The following TLR1 variants were observed in gnomAD, a reference collection of about 807,000 sequenced individuals.
The protein encoded by TLR1 is toll like receptor 1.
Under a neutral mutation model 20.2 loss-of-function variants are expected in TLR1, and 19 were observed. The ratio of observed to expected loss-of-function variants is 0.94; its 90% CI spans 0.66 to 1.38. The LOEUF (loss-of-function observed/expected upper bound fraction) is 1.38, where lower values mean the gene tolerates loss of function less well. Among genes scored for constraint, TLR1 ranks in the 40% most tolerant of loss-of-function variants. The probability of loss-of-function intolerance (pLI) is 0.00; values close to 1 mark genes in which losing one functional copy is unlikely to be tolerated. For synonymous variants in TLR1, 320 were observed against 334.5 expected, an observed-to-expected ratio of 0.96 and a Z score of 0.47; for missense variants, 921 against 910.0, an observed-to-expected ratio of 1.01 and a Z score of -0.16.
At chr4:38,794,995 T>G (rs1181996626), downstream of TLR1, among the ~76,000 whole-genome samples, 2 of 152,184 alleles carry the variant, frequency 1.3e-5, no homozygotes, top group Admixed American at 1.3e-4. Context: ...GTGACCCGAA[T>G]GAGAAGAGTG....
chr4:38,789,354 G>T (rs1248226346), downstream of TLR1, among the ~76,000 whole-genome samples: 1 of 152,174 alleles, frequency 6.6e-6, no homozygotes, highest in Non-Finnish European at 1.5e-5. Context: ...ATTTGTCAAA[G>T]CATTTTGTTT....
chr4:38,800,014 G>A (rs2109359824), intron 3 of TLR1, among the ~76,000 whole-genome samples: 1 of 152,172 alleles, frequency 6.6e-6, no homozygotes, highest in Middle Eastern at 3.4e-3. Context: ...AATAAAGCAG[G>A]GTAAATTGTA....
Position 38,798,264 on chromosome 4 carries a change from C to T in TLR1, c.568G>A (p.Glu190Lys). The part of the protein sequence containing the change: ...DPEGLQDFNT[E>K]SLHIVFPTNK... Reference sequence around the variant, plus strand: ...GTGGGGAACACAATGTGCAGACTCTCAGTGTTAAAGTCTTGAAGGCCCTCA... The same window carrying T: ...GTGGGGAACACAATGTGCAGACTCTTAGTGTTAAAGTCTTGAAGGCCCTCA... Residue 190 changes from glutamate to lysine, a missense_variant, in exon 4 of 4, where the codon GAG (glutamate) becomes AAG (lysine). Transcript: ENST00000308979. The T allele has an allele frequency of 6.2e-7, 1 of 1,612,494 alleles. No individual in the cohort carries two copies. The highest frequency in any genetic ancestry group is 8.5e-7 in the Non-Finnish European group (1 of 1,178,894).
chr4:38,797,063 A>G lies in TLR1; in HGVS notation c.1769T>C (p.Met590Thr). The G allele has an allele frequency of 1.2e-5, 19 of 1,614,228 alleles. No individual in the cohort carries two copies. Among genetic ancestry groups the G allele is most frequent in the Non-Finnish European group, 1.5e-5 (18 of 1,180,042 alleles). Residue 590 changes from methionine (M) to threonine (T), a missense_variant, in exon 4 of 4, where the codon ATG becomes ACG. By Grantham distance (81) the Met-to-Thr change is moderately conservative. Transcript: ENST00000308979. Reference sequence around the variant, plus strand: ...GGTCACAGTCACAGCCAACACCAGCATGGTGGCAACGATGGTGACGATCAG... The same window carrying G: ...GGTCACAGTCACAGCCAACACCAGCGTGGTGGCAACGATGGTGACGATCAG... ...TLLIVTIVAT[M>T]LVLAVTVTSL...
downstream of TLR1, among the ~76,000 whole-genome samples, chr4:38,793,495 G>T (rs1419870307): frequency 6.6e-6 from 1 of 151,938 alleles, no homozygotes; most frequent in Non-Finnish European, 1.5e-5. Context: ...TATTTTCATT[G>T]ATATTTATCA....
chr4:38,788,672 A>G (rs1452281841), downstream of TLR1, among the ~76,000 whole-genome samples: 1 of 152,246 alleles, frequency 6.6e-6, no homozygotes, highest in Admixed American at 6.5e-5. Context: ...TGTTAAAAAT[A>G]ATCATTATTA....
downstream of TLR1, among the ~76,000 whole-genome samples, chr4:38,794,977 A>G (rs1725941322): frequency 1.3e-5 from 2 of 152,094 alleles, no homozygotes; most frequent in African/African-American, 4.8e-5. Context: ...CGATCTCAGG[A>G]CTCAAGAGTG....
At chr4:38,794,225 G>A (rs1012213729), downstream of TLR1, among the ~76,000 whole-genome samples, 1 of 152,210 alleles carries the variant, frequency 6.6e-6, no homozygotes, top group African/African-American at 2.4e-5. Context: ...TACAGAAAGT[G>A]CAATCATCCT....
At position 38,796,312 on chromosome 4, in the gene TLR1, C is replaced by T. The variant is rs1726047899; in HGVS notation, c.*159G>A. 3 of 717,380 alleles carry T rather than the reference C, an allele frequency of 4.2e-6. No homozygotes were observed. Among genetic ancestry groups the T allele is most frequent in the Non-Finnish European group, 4.5e-6 (2 of 446,914 alleles). The allele number at this position is 717,380 out of a possible 1,614,324, so 44.4% of individuals were successfully genotyped here. On this transcript the variant is annotated 3_prime_UTR_variant, in exon 4 of 4. Transcript: ENST00000308979. ...ATCATTTCATTAATTTTTAATACCA[C>T]ATATAAATGGTGAACTGCGACCCGA...
At chr4:38,805,226 T>C (rs1186582057), upstream of TLR1, 2 of 152,176 alleles carry the variant, frequency 1.3e-5, no homozygotes, top group South Asian at 2.1e-4. Flanking sequence ...GGGGTCGAGA[T>C]TAAAGTTTTG....
At chr4:38,796,195 C>T (rs3924111), downstream of TLR1, 3,366 of 395,372 alleles carry the variant, frequency 8.5e-3, 95 homozygotes, top group African/African-American at 0.062. Context: ...AAAACAGGTG[C>T]TTCCCTTGAC....
intron 2 of TLR1, among the ~76,000 whole-genome samples, chr4:38,802,800 A>T (rs1726760426): frequency 6.6e-6 from 1 of 152,192 alleles, no homozygotes; most frequent in Non-Finnish European, 1.5e-5. Flanking sequence ...CGTATAACTC[A>T]CTTTTTATCA....
chr4:38,792,061 G>C (rs1725749332), downstream of TLR1, among the ~76,000 whole-genome samples: 1 of 152,164 alleles, frequency 6.6e-6, no homozygotes, highest in Admixed American at 6.5e-5. Flanking sequence ...CCATATGAGA[G>C]AGGTACCAGT....
In TLR1 at chr4:38,797,997, A is replaced by C; in HGVS notation, c.835T>G (p.Ser279Ala). ...WHTTVWYFSI[S>A]NVKLQGQLDF... is the part of the protein sequence containing the mutation. ...AGCTGACCCTGTAGCTTCACGTTTG[A>C]AATTGAGAAATACCATACAGTTGTA... is the stretch of plus-strand genomic sequence containing the variant. Residue 279 changes from serine to alanine, a missense_variant, in exon 4 of 4, where the codon TCA becomes GCA. Physicochemically the swap from Ser to Ala is moderately conservative, Grantham distance 99. Transcript: ENST00000308979. 2.5e-6 allele frequency: 4 copies of C among 1,614,182 alleles called. No individual in the cohort carries two copies. The highest frequency in any genetic ancestry group is 3.4e-6 in the Non-Finnish European group (4 of 1,180,036).
chr4:38,791,962 TC>T (rs1451553399), downstream of TLR1, among the ~76,000 whole-genome samples: 2 of 152,156 alleles, frequency 1.3e-5, no homozygotes, highest in Non-Finnish European at 2.9e-5. Context: ...ATGCTTCTCT[TC>T]CCCACTGTGT....
chr4:38,797,872 A>G lies in TLR1; in HGVS notation c.960T>C (p.Tyr320=), dbSNP rs200631178. 1.7e-4 allele frequency: 274 copies of G among 1,613,966 alleles called. No individual in the cohort carries two copies. The highest frequency in any genetic ancestry group is 2.2e-4 in the Non-Finnish European group (256 of 1,179,904). The change falls in exon 4 of 4, where the codon TAT becomes TAC. Residue 320 remains tyrosine, a synonymous_variant. Transcript: ENST00000308979. The stretch of plus-strand genomic sequence containing the variant: ...TGATGTTCATATTCGAAAAGATTTC[A>G]TAGATATAACTTTGCGGAAAACCGA... The part of the protein sequence containing the change: ...DVFGFPQSYI[Y]EIFSNMNIKN...
At chr4:38,790,338 T>A (rs1452335429), downstream of TLR1, among the ~76,000 whole-genome samples, 2 of 152,256 alleles carry the variant, frequency 1.3e-5, no homozygotes, top group Non-Finnish European at 2.9e-5. Context: ...TTTGATTGAC[T>A]GTTTGGCTGG....
upstream of TLR1, chr4:38,805,499 A>C (rs571154007): frequency 1.3e-5 from 2 of 152,350 alleles, 1 homozygote; most frequent in South Asian, 4.1e-4. Flanking sequence ...CAAGGAAGAC[A>C]TTCTGATAGC....
chr4:38,790,273 G>A (rs1010384638), downstream of TLR1, among the ~76,000 whole-genome samples: 5 of 152,158 alleles, frequency 3.3e-5, no homozygotes, highest in African/African-American at 1.2e-4. Flanking sequence ...GTAGTTTCCC[G>A]AAAGAATGCA....
Sources: allele counts gnomAD v4.1 joint callset (sites outside exome capture counted in the v4.1 genomes callset), GRCh38; gene constraint gnomAD v4.1.1; transcripts MANE v1.5; gene names NCBI Gene and HGNC (gene_info 2026-07-23, HGNC 2026-07-21).